Variants in ROBO2 observed in about 807,000 individuals in gnomAD.
ROBO2 encodes the protein roundabout guidance receptor 2.
Under a neutral mutation model 160.8 loss-of-function variants are expected in ROBO2, and 53 were observed. That is an observed-to-expected ratio of 0.33 (90% confidence interval 0.26 to 0.41). The LOEUF (loss-of-function observed/expected upper bound fraction) is 0.41, where lower values mean the gene tolerates loss of function less well. ROBO2 is among the 10% of genes least tolerant of loss of function. The pLI, the probability that ROBO2 is intolerant of heterozygous loss-of-function variation, is 1.00. For synonymous variants in ROBO2, 664 were observed against 611.7 expected (o/e 1.09, Z -1.26); for missense variants, 1,577 against 1,722.4 (o/e 0.92, Z 1.49).
chr3:77,220,667 A>C (rs28378801), intron 2 of ROBO2, among the ~76,000 whole-genome samples: 22,039 of 152,076 alleles, frequency 0.14, 1,884 homozygotes, highest in Middle Eastern at 0.21. Context: ...TGAGTCTTCC[A>C]GTGATGTATA....
intron 1 of ROBO2, among the ~76,000 whole-genome samples, chr3:75,936,994 CATAATT>C (rs1947812259): frequency 6.6e-6 from 1 of 151,912 alleles, no homozygotes; most frequent in Non-Finnish European, 1.5e-5. Context: ...TAATTACTGA[CATAATT>C]AGAATACCAC....
chr3:76,558,539 T>C (rs1034105108), intron 2 of ROBO2, among the ~76,000 whole-genome samples: 2 of 152,092 alleles, frequency 1.3e-5, no homozygotes. Context: ...TGGGCCTTTT[T>C]TCCATCTTCT....
intron 6 of ROBO2, among the ~76,000 whole-genome samples, chr3:77,523,791 T>C (rs2090859091): frequency 6.6e-6 from 1 of 151,386 alleles, no homozygotes; most frequent in African/African-American, 2.4e-5. Context: ...CTGCTAACTG[T>C]GCCTCCTTCT....
chr3:76,333,995 G>C (rs926949769), intron 2 of ROBO2, among the ~76,000 whole-genome samples: 2 of 152,086 alleles, frequency 1.3e-5, no homozygotes, highest in Admixed American at 1.3e-4. Flanking sequence ...CCTCTTGTGG[G>C]GTGAGGGGAG....
chr3:77,434,937 T>A (rs967668830), intron 2 of ROBO2, among the ~76,000 whole-genome samples: 3 of 152,048 alleles, frequency 2.0e-5, no homozygotes, highest in African/African-American at 4.8e-5. Context: ...AATCATGAAA[T>A]CAATTTTAAT....
Position 76,185,195 on chromosome 3 carries a change from G to GAT in ROBO2, c.109+247613_109+247614dup, listed in dbSNP as rs1219580267. On this transcript the variant is annotated intron_variant, in intron 2 of 26. Coordinates refer to the ROBO2 transcript ENST00000487694. ...TTCTAGGCTTCTATAAGTAAACACAGATATATATATATATATATATACACA... is the reference window on the plus strand; with the variant it reads ...TTCTAGGCTTCTATAAGTAAACACAGATATATATATATATATATATATACACA... 4.7e-3 allele frequency among the ~76,000 whole-genome samples: 209 copies of GAT among 44,520 alleles called. 15 individuals are homozygous for GAT. Among genetic ancestry groups the GAT allele is most frequent in the Admixed American group, 9.0e-3 (24 of 2,654 alleles). 29.2% of individuals were successfully genotyped at this position (44,520 alleles called of 152,430 possible).
intron 2 of ROBO2, among the ~76,000 whole-genome samples, chr3:76,097,263 G>A (rs2069490764): frequency 6.6e-6 from 1 of 152,126 alleles, no homozygotes; most frequent in African/African-American, 2.4e-5. Flanking sequence ...GACGGCATGA[G>A]CCTATTTGTC....
chr3:76,458,082 C>T lies in ROBO2; in HGVS notation c.109+520480C>T, dbSNP rs142746598. Among the ~76,000 whole-genome samples, 23 of 152,290 alleles carry T rather than the reference C, an allele frequency of 1.5e-4. No homozygotes were observed. The East Asian group carries it at 4.1e-3, about 27-fold the overall frequency. The stretch of plus-strand genomic sequence containing the variant: ...AGGATTAACATTAGGCTCCTTGCTA[C>T]TTATGCAAAGTTCTGCAGCCAGCTT... On this transcript the variant is annotated intron_variant, in intron 2 of 26. Coordinates refer to the ROBO2 transcript ENST00000487694.
chr3:77,586,703 C>G (rs2094058964), intron 16 of ROBO2, among the ~76,000 whole-genome samples: 1 of 151,816 alleles, frequency 6.6e-6, no homozygotes, highest in African/African-American at 2.4e-5. Flanking sequence ...TTTCTTTTCT[C>G]TTTGTTCAAG....
chr3:76,400,755 A>G (rs1188948287), intron 2 of ROBO2, among the ~76,000 whole-genome samples: 2 of 151,552 alleles, frequency 1.3e-5, no homozygotes, highest in African/African-American at 4.8e-5. Context: ...CACCAAGTTC[A>G]CTAGGTGTAT....
At chr3:77,637,739 T>C (rs1051224095) in intron 24 of ROBO2, among the ~76,000 whole-genome samples, 6 of 152,208 alleles carry the variant, frequency 3.9e-5, no homozygotes, top group African/African-American at 1.4e-4. Flanking sequence ...TCTGTGGTTT[T>C]TCAGAAATGT....
At chr3:77,070,671 G>A (rs1469300325) in intron 1 of ROBO2, among the ~76,000 whole-genome samples, 2 of 152,284 alleles carry the variant, frequency 1.3e-5, no homozygotes, top group South Asian at 2.1e-4. Context: ...GGTAAAGGAG[G>A]CATGGAATGG....
intron 2 of ROBO2, among the ~76,000 whole-genome samples, chr3:76,134,056 A>G (rs780885773): frequency 2.6e-5 from 4 of 152,142 alleles, no homozygotes; most frequent in Non-Finnish European, 5.9e-5. Context: ...TACATAGTTT[A>G]TGGGATTTGT....
intron 2 of ROBO2, among the ~76,000 whole-genome samples, chr3:77,115,733 T>C (rs1021182885): frequency 1.3e-5 from 2 of 152,238 alleles, no homozygotes; most frequent in African/African-American, 4.8e-5. Context: ...TTTCAGTACA[T>C]AGATGCATTT....
intron 2 of ROBO2, among the ~76,000 whole-genome samples, chr3:76,895,179 ATTT>A (rs1162960029): frequency 6.6e-6 from 1 of 151,336 alleles, no homozygotes; most frequent in African/African-American, 2.4e-5. Flanking sequence ...CTGGGTGATC[ATTT>A]TTTTCTAATG....
At chr3:76,466,022 TG>T in intron 2 of ROBO2, among the ~76,000 whole-genome samples, 1 of 151,524 alleles carries the variant, frequency 6.6e-6, no homozygotes, top group African/African-American at 2.4e-5. Flanking sequence ...TGTGTGTGTG[TG>T]TGTGTGTATG....
At chr3:76,776,736 A>T (rs1311717339) in intron 2 of ROBO2, among the ~76,000 whole-genome samples, 1 of 151,000 alleles carries the variant, frequency 6.6e-6, no homozygotes, top group Non-Finnish European at 1.5e-5. Context: ...CACATATAGC[A>T]GAGATACACA....
At chr3:76,784,356 T>C (rs2062841600) in intron 2 of ROBO2, among the ~76,000 whole-genome samples, 2 of 151,226 alleles carry the variant, frequency 1.3e-5, no homozygotes, top group Non-Finnish European at 3.0e-5. Flanking sequence ...TTGTTTCTTC[T>C]TGGGGAGGAT....
rs548688550 is a variant in ROBO2, at chr3:76,145,296, T to C, written c.109+207694T>C. ...AAAATAAGTTTTAATAAATGACTAA[T>C]TTAGAAATAAAGGCATAAAAGAAAC... is the stretch of plus-strand genomic sequence containing the variant. On this transcript the variant is annotated intron_variant, in intron 2 of 26. Coordinates refer to the ROBO2 transcript ENST00000487694. 5.7e-4 allele frequency among the ~76,000 whole-genome samples: 87 copies of C among 152,142 alleles called. 1 individual carries two copies. The highest frequency in any genetic ancestry group is 3.4e-3 in the Middle Eastern group (1 of 294).
Sources: allele counts gnomAD v4.1 joint callset (sites outside exome capture counted in the v4.1 genomes callset), GRCh38; gene constraint gnomAD v4.1.1; transcripts MANE v1.5; gene names NCBI Gene and HGNC (gene_info 2026-07-23, HGNC 2026-07-21).